MTCL1: variants seen among roughly 807,000 people sequenced by gnomAD.
MTCL1 encodes the protein microtubule crosslinking factor 1.
In MTCL1, 79 loss-of-function variants were observed where a neutral mutation model predicts 141.4. That is an observed-to-expected ratio of 0.56 (90% confidence interval 0.47 to 0.67). The LOEUF is 0.67. MTCL1 is among the 30% of genes least tolerant of loss of function. The pLI is 0.00. For synonymous variants in MTCL1, 914 were observed against 875.8 expected, an observed-to-expected ratio of 1.04 and a Z score of -0.77; for missense variants, 2,177 against 2,113.9, an observed-to-expected ratio of 1.03 and a Z score of -0.59.
chr18:8,773,086 A>G (rs1282038156), intron 4 of MTCL1, among the ~76,000 whole-genome samples: 1 of 152,144 alleles, frequency 6.6e-6, no homozygotes, highest in Non-Finnish European at 1.5e-5. Flanking sequence ...AAATTGTAAT[A>G]CCTCCATAGT....
chr18:8,807,548 G>A (rs1277933926), intron 11 of MTCL1, among the ~76,000 whole-genome samples: 1 of 152,180 alleles, frequency 6.6e-6, no homozygotes, highest in East Asian at 1.9e-4. Flanking sequence ...TATATCAAAG[G>A]AAACTGAGGC....
chr18:8,722,539 G>C (rs1294028549), intron 4 of MTCL1, among the ~76,000 whole-genome samples: 2 of 152,174 alleles, frequency 1.3e-5, no homozygotes, highest in Non-Finnish European at 2.9e-5. Flanking sequence ...ATTATGTACT[G>C]TATTCTTATA....
intron 14 of MTCL1, among the ~76,000 whole-genome samples, chr18:8,824,322 C>A (rs377436819): frequency 1.3e-5 from 2 of 152,220 alleles, no homozygotes; most frequent in Non-Finnish European, 2.9e-5. Context: ...TGGCCATCGC[C>A]GTGGCTCACC....
intron 1 of MTCL1, among the ~76,000 whole-genome samples, chr18:8,710,837 C>CTTTTT (rs59041416): frequency 1.2e-5 from 1 of 80,934 alleles, no homozygotes; most frequent in Non-Finnish European, 2.4e-5. Context: ...GGAAGGCTTT[C>CTTTTT]TTTTTTTTTT....
At chr18:8,809,776 G>T (rs2076420383) in intron 11 of MTCL1, 1 of 673,512 alleles carries the variant, frequency 1.5e-6, no homozygotes, top group Non-Finnish European at 2.4e-6. Context: ...GAGACAACCA[G>T]TTGGGATGGA....
intron 4 of MTCL1, among the ~76,000 whole-genome samples, chr18:8,744,196 G>T (rs2096321927): frequency 6.6e-6 from 1 of 152,240 alleles, no homozygotes; most frequent in Non-Finnish European, 1.5e-5. Context: ...CGGGCCCACT[G>T]GCACCCTTTC....
chr18:8,784,370 G>A (rs1285964805), exon 6 of MTCL1: 5 of 1,533,944 alleles, frequency 3.3e-6, no homozygotes, highest in Admixed American at 2.0e-5. Flanking sequence ...TGACTCGGAG[G>A]AAATGTTTGA....
intron 4 of MTCL1, among the ~76,000 whole-genome samples, chr18:8,757,128 CTT>C (rs893020940): frequency 6.6e-6 from 1 of 152,202 alleles, no homozygotes; most frequent in African/African-American, 2.4e-5. Flanking sequence ...GCCTGTGCCT[CTT>C]TGGAAAGAGT....
At chr18:8,812,886 G>A in intron 11 of MTCL1, 93 bp from the exon 11 acceptor site, 1 of 1,490,640 alleles carries the variant, frequency 6.7e-7, no homozygotes. Context: ...GTTTAAACAT[G>A]TTTCCAGGGA....
intron 12 of MTCL1, among the ~76,000 whole-genome samples, chr18:8,815,859 G>T (rs1462933526): frequency 6.6e-6 from 1 of 152,114 alleles, no homozygotes; most frequent in Non-Finnish European, 1.5e-5. Context: ...TTTCGGGCAT[G>T]CATCTGTTCA....
intron 4 of MTCL1, among the ~76,000 whole-genome samples, chr18:8,726,431 TG>T (rs1394361549): frequency 6.6e-6 from 1 of 151,608 alleles, no homozygotes; most frequent in African/African-American, 2.4e-5. Flanking sequence ...GCCTTCTTGC[TG>T]TGTTTTCACA....
chr18:8,744,863 C>T (rs2096326883), intron 4 of MTCL1, among the ~76,000 whole-genome samples: 1 of 152,210 alleles, frequency 6.6e-6, no homozygotes, highest in Admixed American at 6.5e-5. Context: ...TCCTGCCCTC[C>T]ACCCCCCGGA....
chr18:8,705,666 G>A lies in MTCL1; in HGVS notation c.6G>A (p.Glu2=). 8.3e-7 allele frequency: 1 copy of A among 1,204,174 alleles called. No homozygotes were observed. The highest frequency in any genetic ancestry group is 1.0e-6 in the Non-Finnish European group (1 of 971,050). The allele number at this position is 1,204,174 out of a possible 1,614,324, so 74.6% of individuals were successfully genotyped here. Reference sequence around the variant, plus strand: ...TGCTGCCGGCGGACCCGGCCATGGAGACACTGAACGGCCCCGCGGGCGGAG... The same window carrying A: ...TGCTGCCGGCGGACCCGGCCATGGAAACACTGAACGGCCCCGCGGGCGGAG... Residue 2 remains glutamate (E), a synonymous_variant, in exon 1 of 14, where the codon GAG becomes GAA. Transcript: ENST00000306329. The surrounding 1 kb of genome is among the most constrained non-coding windows in gnomAD (Gnocchi z 5.2).
At chr18:8,792,161 A>G (rs1424543524) in intron 7 of MTCL1, among the ~76,000 whole-genome samples, 1 of 152,228 alleles carries the variant, frequency 6.6e-6, no homozygotes, top group Non-Finnish European at 1.5e-5. Flanking sequence ...AGTTGTATAA[A>G]TCACCTGTCT....
upstream of MTCL1, among the ~76,000 whole-genome samples, chr18:8,714,591 A>G (rs1171843418): frequency 6.6e-6 from 1 of 152,188 alleles, no homozygotes; most frequent in East Asian, 1.9e-4. Flanking sequence ...GAACGTGTGC[A>G]GGGAAACTGC....
exon 9 of MTCL1, chr18:8,796,439 G>A: frequency 1.9e-6 from 3 of 1,614,176 alleles, no homozygotes; most frequent in Non-Finnish European, 2.5e-6. Flanking sequence ...GCAGATGGAG[G>A]AGGAAGGAGA....
At chr18:8,809,447 G>C (rs632423) in intron 11 of MTCL1, 536,317 of 1,525,842 alleles carry the variant, frequency 0.35, 100,476 homozygotes, top group African/African-American at 0.61. Flanking sequence ...TTTCCCGTTA[G>C]AATTGTTGTG....
intron 10 of MTCL1, among the ~76,000 whole-genome samples, chr18:8,804,187 A>T (rs1266908922): frequency 6.6e-6 from 1 of 152,100 alleles, no homozygotes; most frequent in Non-Finnish European, 1.5e-5. Context: ...CTATATGAAG[A>T]TGTATATTTC....
intron 14 of MTCL1, among the ~76,000 whole-genome samples, chr18:8,823,003 G>A (rs187954365): frequency 1.4e-4 from 21 of 151,214 alleles, no homozygotes; most frequent in Admixed American, 1.4e-3. Flanking sequence ...CATCCTGGGC[G>A]ACAGAGTAAG....
Sources: allele counts gnomAD v4.1 joint callset (sites outside exome capture counted in the v4.1 genomes callset), GRCh38; gene constraint gnomAD v4.1.1; non-coding constraint Gnocchi (gnomAD v3.1); transcripts MANE v1.5; gene names NCBI Gene and HGNC (gene_info 2026-07-23, HGNC 2026-07-21).